The following SLC14A2 variants were observed in gnomAD, a reference collection of about 807,000 sequenced individuals.
SLC14A2 encodes the protein solute carrier family 14 member 2.
SLC14A2 carries 91 observed loss-of-function variants against 104.6 expected under a neutral mutation model. That is an observed-to-expected ratio of 0.87 (90% CI 0.73 to 1.04). The LOEUF (loss-of-function observed/expected upper bound fraction) is 1.04. SLC14A2 is among the 50% of genes least tolerant of loss of function. The probability of loss-of-function intolerance (pLI) is 0.00; values close to 1 mark genes in which losing one functional copy is unlikely to be tolerated. For missense variants in SLC14A2, 1,189 were observed against 1,156.0 expected (o/e 1.03, Z -0.41); for synonymous variants, 476 against 466.4 (o/e 1.02, Z -0.27).
intron 2 of SLC14A2, among the ~76,000 whole-genome samples, chr18:45,565,907 C>T (rs868358315): frequency 2.8e-4 from 42 of 152,332 alleles, no homozygotes; most frequent in South Asian, 8.3e-4. Flanking sequence ...TGCCCTTTTA[C>T]GCTGACACCT....
At chr18:45,268,645 A>G (rs1415058721) in intron 1 of SLC14A2, among the ~76,000 whole-genome samples, 1 of 152,226 alleles carries the variant, frequency 6.6e-6, no homozygotes, top group East Asian at 1.9e-4. Context: ...AGTATAAGCA[A>G]TTATGAACAG....
chr18:45,547,186 A>G (rs2144871770), intron 2 of SLC14A2, among the ~76,000 whole-genome samples: 1 of 151,688 alleles, frequency 6.6e-6, no homozygotes, highest in East Asian at 1.9e-4. Context: ...AAACAAAAGG[A>G]AAAAAAAAGA....
At chr18:45,672,730 T>A (rs1434649058) in intron 16 of SLC14A2, among the ~76,000 whole-genome samples, 170 bp from the exon 17 acceptor site, 3 of 152,168 alleles carry the variant, frequency 2.0e-5, no homozygotes, top group Non-Finnish European at 4.4e-5. Flanking sequence ...AAGATTAAGA[T>A]AATAAAGCTT....
intron 1 of SLC14A2, among the ~76,000 whole-genome samples, chr18:45,318,157 T>C (rs2085148543): frequency 1.3e-5 from 2 of 151,696 alleles, no homozygotes; most frequent in African/African-American, 2.4e-5. Context: ...CTTCCAGGAG[T>C]GGGAGGCAGC....
At chr18:45,536,936 G>A (rs2043796155) in intron 2 of SLC14A2, among the ~76,000 whole-genome samples, 1 of 151,562 alleles carries the variant, frequency 6.6e-6, no homozygotes, top group Admixed American at 6.6e-5. Context: ...GGACCTTGTG[G>A]TCTAGCCAGG....
rs1203242500 is a variant in SLC14A2, at chr18:45,562,541, TTGTCTGGCTGGAG to T, written c.-34-62077_-34-62065del. The stretch of plus-strand genomic sequence containing the variant: ...GACTAAGCATGGAATGTTAGATGTC[TTGTCTGGCTGGAG>T]TGTCTGGCTGGATTGAACTTGGAGC... On this transcript the variant is annotated intron_variant, in intron 2 of 20. Coordinates refer to the SLC14A2 transcript ENST00000586448. Among the ~76,000 whole-genome samples, 4 of 152,174 alleles carry T rather than the reference TTGTCTGGCTGGAG, an allele frequency of 2.6e-5. No individual in the cohort carries two copies. In the East Asian group the frequency reaches 5.8e-4, roughly 22 times the overall value.
At chr18:45,197,006 A>G in the SLC14A2 span, among the ~76,000 whole-genome samples, 8 of 152,334 alleles carry the variant, frequency 5.3e-5, no homozygotes, top group East Asian at 1.9e-4. Flanking sequence ...TGTTGGGATC[A>G]CTACGAAGGA....
intron 1 of SLC14A2, among the ~76,000 whole-genome samples, chr18:45,231,605 T>A (rs11082433): frequency 0.15 from 22,692 of 152,110 alleles, 2,221 homozygotes; most frequent in African/African-American, 0.29. Flanking sequence ...GACCATTCCT[T>A]TCTCATCATT....
At chr18:45,482,284 C>A (rs1223913190) in intron 1 of SLC14A2, among the ~76,000 whole-genome samples, 1 of 152,152 alleles carries the variant, frequency 6.6e-6, no homozygotes. Context: ...AATTATGGTA[C>A]AGACATATTA....
At chr18:45,652,711 G>C (rs971010429) in intron 10 of SLC14A2, among the ~76,000 whole-genome samples, 14 of 151,760 alleles carry the variant, frequency 9.2e-5, no homozygotes, top group Non-Finnish European at 7.4e-5. Context: ...GGCACAAATT[G>C]ATCTCTTGAA....
At chr18:45,362,720 T>C (rs2085624883) in intron 1 of SLC14A2, among the ~76,000 whole-genome samples, 1 of 152,214 alleles carries the variant, frequency 6.6e-6, no homozygotes, top group African/African-American at 2.4e-5. Context: ...GCATAGGTTT[T>C]TCTAGATATC....
chr18:45,613,411 G>A (rs2045005251), upstream of SLC14A2, among the ~76,000 whole-genome samples: 1 of 152,194 alleles, frequency 6.6e-6, no homozygotes, highest in African/African-American at 2.4e-5. Context: ...TTGAAAATGT[G>A]GAAGCAAGTA....
At chr18:45,486,872 G>A (rs1003265098) in intron 2 of SLC14A2, among the ~76,000 whole-genome samples, 1 of 152,182 alleles carries the variant, frequency 6.6e-6, no homozygotes, top group Non-Finnish European at 1.5e-5. Flanking sequence ...GGTTGAAAAA[G>A]GCTTTGGAGC....
intron 2 of SLC14A2, among the ~76,000 whole-genome samples, chr18:45,491,701 G>A (rs887599878): frequency 2.0e-5 from 3 of 152,310 alleles, no homozygotes; most frequent in Non-Finnish European, 4.4e-5. Context: ...AGGCAGTGGG[G>A]AGCAGGAGGC....
chr18:45,275,947 T>C (rs573739884), intron 1 of SLC14A2, among the ~76,000 whole-genome samples: 136 of 152,342 alleles, frequency 8.9e-4, no homozygotes, highest in African/African-American at 3.0e-3. Context: ...AAAGGTGCTG[T>C]TTTTGACTAT....
At chr18:45,424,148 T>A (rs1292656229) in intron 1 of SLC14A2, 1 of 152,168 alleles carries the variant, frequency 6.6e-6, no homozygotes, top group African/African-American at 2.4e-5. Context: ...TCTGGGAAGA[T>A]GGGATTTCCT....
intron 1 of SLC14A2, among the ~76,000 whole-genome samples, chr18:45,297,612 A>T (rs540332315): frequency 6.6e-6 from 1 of 152,320 alleles, no homozygotes; most frequent in East Asian, 1.9e-4. Flanking sequence ...TACAAAATAG[A>T]AGTAAATATA....
chr18:45,492,138 C>T (rs1267897950), intron 2 of SLC14A2: 1 of 152,178 alleles, frequency 6.6e-6, no homozygotes, highest in East Asian at 1.9e-4. Flanking sequence ...TGGTAAGACA[C>T]AAGAAGAAGT....
intron 1 of SLC14A2, among the ~76,000 whole-genome samples, chr18:45,360,571 ATG>A (rs1365149402): frequency 6.6e-6 from 1 of 152,180 alleles, no homozygotes; most frequent in Non-Finnish European, 1.5e-5. Flanking sequence ...CAGACAGTCC[ATG>A]TCTAAGGATG....
Sources: allele counts gnomAD v4.1 joint callset (sites outside exome capture counted in the v4.1 genomes callset), GRCh38; gene constraint gnomAD v4.1.1; transcripts MANE v1.5; gene names NCBI Gene and HGNC (gene_info 2026-07-23, HGNC 2026-07-21).